IL17RA: variants seen among roughly 807,000 people sequenced by gnomAD.
IL17RA encodes the protein interleukin 17 receptor A, also known as interleukin-17 receptor A.
IL17RA carries 34 observed loss-of-function variants against 50.4 expected under a neutral mutation model. The observed-to-expected ratio is 0.67, with a 90% CI of 0.51 to 0.90. The LOEUF is 0.90. Among genes scored for constraint, IL17RA ranks in the 40% least tolerant of loss-of-function variants. IL17RA has a pLI of 0.00. For synonymous variants in IL17RA, 585 were observed against 510.4 expected, an observed-to-expected ratio of 1.15 and a Z score of -1.97; for missense variants, 1,276 against 1,169.8, an observed-to-expected ratio of 1.09 and a Z score of -1.32.
At chr22:17,103,399 T>A in intron 7 of IL17RA, 95 bp from the exon 8 acceptor site, 1 of 981,290 alleles carries the variant, frequency 1.0e-6, no homozygotes, top group Non-Finnish European at 1.6e-6. Context: ...AGGGGTGCTC[T>A]GGACAGCCTC....
At chr22:17,106,620 G>A (rs1231519279) in intron 11 of IL17RA, among the ~76,000 whole-genome samples, 3 of 152,194 alleles carry the variant, frequency 2.0e-5, no homozygotes, top group Non-Finnish European at 4.4e-5. Flanking sequence ...CCTTCCGGTT[G>A]GGGCTTCAGC....
chr22:17,086,575 G>A (rs1568914725), intron 1 of IL17RA, among the ~76,000 whole-genome samples: 1 of 152,050 alleles, frequency 6.6e-6, no homozygotes, highest in Non-Finnish European at 1.5e-5. Flanking sequence ...ACTGGGAACT[G>A]GAACTATAAA....
At chr22:17,099,827 A>G (rs957227154) in intron 4 of IL17RA, among the ~76,000 whole-genome samples, 2 of 152,152 alleles carry the variant, frequency 1.3e-5, no homozygotes, top group Admixed American at 1.3e-4. Flanking sequence ...CACAAATTCA[A>G]ATATCATTGC....
chr22:17,088,796 T>C (rs533886387), intron 1 of IL17RA, among the ~76,000 whole-genome samples: 1 of 147,040 alleles, frequency 6.8e-6, no homozygotes, highest in East Asian at 2.1e-4. Flanking sequence ...CCAATTTTTT[T>C]ATTTTTATTT....
chr22:17,085,611 G>A (rs2061324698), intron 1 of IL17RA, among the ~76,000 whole-genome samples: 1 of 152,130 alleles, frequency 6.6e-6, no homozygotes, highest in Non-Finnish European at 1.5e-5. Context: ...TGGAGAAGGG[G>A]CCCGGGGAGG....
rs761619526 is a variant in IL17RA, at chr22:17,109,138, G to A, written c.1919G>A (p.Gly640Glu). Residue 640 changes from glycine (G) to glutamate (E), a missense_variant, in exon 13 of 13, where the codon GGG becomes GAG. By Grantham distance (98) the Gly-to-Glu change is moderately conservative. Transcript: ENST00000319363. The stretch of plus-strand genomic sequence containing the variant: ...TGCCTGGCCATAGACCCGCTGGTCG[G>A]GGAGGAAGGAGGAGCAGCAGTGGCA... Reference protein sequence around the residue: ...QACLAIDPLVGEEGGAAVAKL... With the variant: ...QACLAIDPLVEEEGGAAVAKL... The A allele has an allele frequency of 1.6e-5, 24 of 1,539,784 alleles. No homozygotes were observed. In the East Asian group the frequency reaches 5.3e-4, roughly 34 times the overall value.
chr22:17,088,910 C>T (rs1201557972), intron 1 of IL17RA, among the ~76,000 whole-genome samples: 1 of 152,126 alleles, frequency 6.6e-6, no homozygotes, highest in East Asian at 1.9e-4. Context: ...ATTCTCCTGC[C>T]TCAACCTCCC....
At chr22:17,097,235 A>C (rs2061371606) in intron 2 of IL17RA, 149 bp downstream of exon 2, 3 of 756,780 alleles carry the variant, frequency 4.0e-6, no homozygotes, top group Admixed American at 1.9e-5. Flanking sequence ...AGAATTGTGG[A>C]TGCGTGCACC....
chr22:17,105,417 A>AC (rs1396716053), intron 9 of IL17RA, among the ~76,000 whole-genome samples, 174 bp from the exon 10 acceptor site: 1 of 152,188 alleles, frequency 6.6e-6, no homozygotes. Flanking sequence ...CTCTTCTTAG[A>AC]CCAGCAACTC....
At chr22:17,105,717 G>C in intron 10 of IL17RA, 115 bp downstream of exon 10, 1 of 1,354,196 alleles carries the variant, frequency 7.4e-7, no homozygotes, top group East Asian at 2.5e-5. Context: ...GGCCAGCCCG[G>C]GGTGGGGGGT....
In IL17RA at chr22:17,110,309, C is replaced by A; in HGVS notation, c.*489C>A. The A allele has an allele frequency of 5.3e-6, 1 of 188,468 alleles. No individual in the cohort carries two copies. The highest frequency in any genetic ancestry group is 2.4e-5 in the African/African-American group (1 of 41,660). The allele number at this position is 188,468 out of a possible 1,614,324, so 11.7% of individuals were successfully genotyped here. A position where few individuals can be genotyped will look rare whatever the true frequency, so the allele number is the denominator to read the frequency against. ...AGGTCAGGAGTTTGAGCCAGCCTGG[C>A]CAACATGGTGAAACCCCATCTCCAC... On this transcript the variant is annotated 3_prime_UTR_variant, in exon 13 of 13. Transcript: ENST00000319363.
chr22:17,085,799 A>T (rs1293737072), intron 1 of IL17RA, among the ~76,000 whole-genome samples: 2 of 151,850 alleles, frequency 1.3e-5, no homozygotes, highest in Non-Finnish European at 2.9e-5. Context: ...GGAGTCCCTC[A>T]CCCGCGGCCC....
chr22:17,098,169 T>G (rs954262670), intron 3 of IL17RA, among the ~76,000 whole-genome samples: 2 of 152,184 alleles, frequency 1.3e-5, no homozygotes, highest in Non-Finnish European at 2.9e-5. Context: ...AGGACTTCCT[T>G]CAACCTAATA....
In IL17RA at chr22:17,110,274, G is replaced by A; in HGVS notation, c.*454G>A. ...GCACACTGGGAGGCCGAGGCAGGTG[G>A]ATCACTCTGAGGTCAGGAGTTTGAG... On this transcript the variant is annotated 3_prime_UTR_variant, in exon 13 of 13. Transcript: ENST00000319363. The A allele has an allele frequency of 4.0e-6, 1 of 249,914 alleles. No homozygotes were observed. Among genetic ancestry groups the A allele is most frequent in the Non-Finnish European group, 7.9e-6 (1 of 126,634 alleles). The allele number at this position is 249,914 out of a possible 1,614,324, so 15.5% of individuals were successfully genotyped here.
intron 1 of IL17RA, among the ~76,000 whole-genome samples, chr22:17,088,149 G>A (rs2061334837): frequency 6.6e-6 from 1 of 152,136 alleles, no homozygotes; most frequent in Non-Finnish European, 1.5e-5. Context: ...TGAGTGCTAA[G>A]GTGAGATTGA....
chr22:17,097,702 T>G, intron 2 of IL17RA, 95 bp from the exon 3 acceptor site: 20 of 1,511,612 alleles, frequency 1.3e-5, no homozygotes, highest in East Asian at 2.3e-5. Flanking sequence ...CGCGGGCCCC[T>G]GAGCTGTTTG....
rs1174161308 is a variant in IL17RA, at chr22:17,111,584, C to A, written c.*1764C>A. On this transcript the variant is annotated 3_prime_UTR_variant, in exon 13 of 13. Transcript: ENST00000319363. ...GCTAGAGGCTTCTGGCTTCAGGGTC[C>A]TGAAGAACACATTGAGGTGCCGTCT... 6.6e-6 allele frequency: 1 copy of A among 152,154 alleles called. No homozygotes were observed. The highest frequency in any genetic ancestry group is 1.5e-5 in the Non-Finnish European group (1 of 68,024). The allele number at this position is 152,154 out of a possible 1,614,324, so 9.4% of individuals were successfully genotyped here. A position where few individuals can be genotyped will look rare whatever the true frequency, so the allele number is the denominator to read the frequency against.
In IL17RA at chr22:17,085,238, C is replaced by A; in HGVS notation, c.138+9C>A. The A allele has an allele frequency of 3.3e-6, 5 of 1,538,328 alleles. No homozygotes were observed. Among genetic ancestry groups the A allele is most frequent in the Non-Finnish European group, 4.4e-6 (5 of 1,146,144 alleles). ...TGGTCTGCTCCCAGCCGGTGAGACT[C>A]GACGTGGGGAGCGGTAGCCGCCAGG... On this transcript the variant is annotated intron_variant, in intron 1 of 12. Transcript: ENST00000319363.
chr22:17,091,692 C>CA (rs1437393071), intron 1 of IL17RA, among the ~76,000 whole-genome samples: 2 of 151,240 alleles, frequency 1.3e-5, no homozygotes, highest in Non-Finnish European at 1.5e-5. Context: ...AAAAAAAAGT[C>CA]AATGTTATTA....
Sources: gnomAD v4.1 joint callset for allele counts (sites outside exome capture counted in the v4.1 genomes callset) on GRCh38, gnomAD v4.1.1 for gene constraint, MANE v1.5 for transcripts, NCBI Gene and HGNC (gene_info 2026-07-23, HGNC 2026-07-21) for gene names.